The following CC2D1A variants were observed in gnomAD, a reference collection of about 807,000 sequenced individuals.
CC2D1A encodes the protein coiled-coil and C2 domain containing 1A, also known as coiled-coil and C2 domain-containing protein 1A.
Under a neutral mutation model 123.8 loss-of-function variants are expected in CC2D1A, and 68 were observed. The observed-to-expected ratio is 0.55, with a 90% CI of 0.45 to 0.67. The LOEUF is 0.67. Ranked by LOEUF, CC2D1A falls within the 30% of genes least tolerant of loss-of-function variation. The pLI, the probability that CC2D1A is intolerant of heterozygous loss-of-function variation, is 0.00. For missense variants in CC2D1A, 1,185 were observed against 1,290.3 expected (o/e 0.92, Z 1.25); for synonymous variants, 477 against 528.0 (o/e 0.90, Z 1.32).
chr19:13,916,636 A>G (rs958473238), intron 6 of CC2D1A, among the ~76,000 whole-genome samples: 2 of 152,218 alleles, frequency 1.3e-5, no homozygotes, highest in Admixed American at 6.6e-5. Context: ...AATTATAACA[A>G]TAATTCAACC....
In CC2D1A at chr19:13,906,246, G is replaced by A. The variant is rs909970372; in HGVS notation, c.-196G>A. 2.7e-5 allele frequency: 12 copies of A among 450,406 alleles called. No homozygotes were observed. Among genetic ancestry groups the A allele is most frequent in the East Asian group, 3.6e-5 (1 of 27,872 alleles). The allele number at this position is 450,406 out of a possible 1,614,324, so 27.9% of individuals were successfully genotyped here. On this transcript the variant is annotated 5_prime_UTR_variant, in exon 1 of 29. Transcript: ENST00000318003. This position sits in a 1 kb window ranked among gnomAD's most constrained non-coding sequence, Gnocchi z 4.1. ...CCGGCGAGCCCAGTGGCCGCGCTCC[G>A]GTGCGGCGGCGCCCGAGGCCCGAGG...
chr19:13,923,240 A>G lies in CC2D1A; in HGVS notation c.1642-93A>G. 1 of 1,435,496 alleles carries G rather than the reference A, an allele frequency of 7.0e-7. No individual in the cohort carries two copies. Among genetic ancestry groups the G allele is most frequent in the East Asian group, 2.3e-5 (1 of 43,596 alleles). 88.9% of individuals were successfully genotyped at this position (1,435,496 alleles called of 1,614,324 possible). A position where few individuals can be genotyped will look rare whatever the true frequency, so the allele number is the denominator to read the frequency against. On this transcript the variant is annotated intron_variant, in intron 14 of 28. Transcript: ENST00000318003. The surrounding 1 kb of genome is among the most constrained non-coding windows in gnomAD (Gnocchi z 5.3). ...AGGGTGACAGAGCCGTGGTCAGGGA[A>G]TGCCCCTCGTCAAGGAAGAATGACA...
At chr19:13,917,474 C>T (rs1421396192) in intron 6 of CC2D1A, among the ~76,000 whole-genome samples, 2 of 152,104 alleles carry the variant, frequency 1.3e-5, no homozygotes, top group Admixed American at 1.3e-4. Context: ...TGGCCAGGCA[C>T]GGTAACTCAC....
rs375168439 is a variant in CC2D1A, at chr19:13,913,451, C to T, written c.561C>T (p.Asp187=). 8.7e-6 allele frequency: 14 copies of T among 1,614,214 alleles called. No individual in the cohort carries two copies. The highest frequency in any genetic ancestry group is 6.7e-5 in the East Asian group (3 of 44,888). The change falls in exon 6 of 29, where the codon GAC becomes GAT. Residue 187 remains aspartate, a synonymous_variant. Coordinates refer to ENST00000318003, the MANE Select transcript of CC2D1A (RefSeq NM_017721.5). ...LASIRKGNAI[D]EADIPPPVAI... ...CCATCCGTAAGGGCAATGCCATTGA[C>T]GAAGCGGACATCCCGCCGCCAGTGG...
At chr19:13,919,554 G>A (rs535362485) in intron 11 of CC2D1A, 18 of 353,174 alleles carry the variant, frequency 5.1e-5, no homozygotes, top group Non-Finnish European at 7.1e-5. Flanking sequence ...CTTGGGCAAC[G>A]TGGCAAGACC....
chr19:13,928,707 T>C (rs1184117053), intron 24 of CC2D1A, among the ~76,000 whole-genome samples: 1 of 140,660 alleles, frequency 7.1e-6, no homozygotes, highest in African/African-American at 2.7e-5. Flanking sequence ...AGTGTGTCTT[T>C]TTTTTTTTTT....
Position 13,919,130 on chromosome 19 carries a change from C to T in CC2D1A, c.1150C>T (p.Gln384Ter). 1 of 1,612,342 alleles carries T rather than the reference C, an allele frequency of 6.2e-7. No individual in the cohort carries two copies. The highest frequency in any genetic ancestry group is 1.1e-5 in the South Asian group (1 of 91,034). Residue 384 changes from glutamine (Q) to a stop codon, truncating the protein, a stop_gained and splice_region_variant, in exon 11 of 29, where the codon CAA (glutamine) becomes TAA (stop). Coordinates refer to ENST00000318003, the MANE Select transcript of CC2D1A (RefSeq NM_017721.5). LOFTEE classifies it high-confidence loss of function. ...GCCCTAACACCTGTGGCCCTCGCAGCAATACCAAGATGCCATCCGAGCCCA... is the reference window on the plus strand; with the variant it reads ...GCCCTAACACCTGTGGCCCTCGCAGTAATACCAAGATGCCATCCGAGCCCA... ...KARMHERIVK[Q>*]YQDAIRAHKA... is the part of the protein sequence containing the mutation.
At chr19:13,925,918 T>TAAAAA (rs34627490) in intron 17 of CC2D1A, among the ~76,000 whole-genome samples, 10 of 55,270 alleles carry the variant, frequency 1.8e-4, no homozygotes, top group African/African-American at 7.8e-4. Flanking sequence ...AGACTCTGTC[T>TAAAAA]AAAAAAAAAA....
At chr19:13,927,336 C>A in intron 22 of CC2D1A, 71 bp downstream of exon 22, 2 of 1,301,680 alleles carry the variant, frequency 1.5e-6, no homozygotes, top group Non-Finnish European at 2.2e-6. Flanking sequence ...AAAACACTTC[C>A]TGCCTTGAGC....
At chr19:13,913,129 T>A in intron 4 of CC2D1A, 39 bp from the exon 5 acceptor site, 2 of 1,546,714 alleles carry the variant, frequency 1.3e-6, no homozygotes, top group Non-Finnish European at 1.7e-6. Flanking sequence ...GCATCCCAAG[T>A]GGGGTCACCA....
chr19:13,916,637 T>G (rs1971215513), intron 6 of CC2D1A, among the ~76,000 whole-genome samples: 1 of 152,128 alleles, frequency 6.6e-6, no homozygotes, highest in Non-Finnish European at 1.5e-5. Flanking sequence ...ATTATAACAA[T>G]AATTCAACCC....
intron 17 of CC2D1A, among the ~76,000 whole-genome samples, chr19:13,925,084 T>G (rs190525503): frequency 6.6e-6 from 1 of 152,248 alleles, no homozygotes; most frequent in East Asian, 1.9e-4. Context: ...ACCTTCCCTC[T>G]AAGAGGCCCT....
At chr19:13,927,792 A>AG in intron 22 of CC2D1A, 101 bp from the exon 23 acceptor site, 2 of 1,302,142 alleles carry the variant, frequency 1.5e-6, no homozygotes, top group East Asian at 2.3e-5. Flanking sequence ...AGAAAAAAAA[A>AG]AAACCAAAAA....
chr19:13,913,638 G>T lies in CC2D1A; in HGVS notation c.748G>T (p.Gly250Cys). Residue 250 changes from glycine to cysteine, a missense_variant and splice_region_variant, in exon 6 of 29, where the codon GGT (glycine) becomes TGT (cysteine). Transcript: ENST00000318003. ...PGLAKPQMPP[G>C]PCSPGPLAQL... ...CTTGGCTAAGCCCCAGATGCCCCCAGGTAGGTGATGGGCAGGGCCGGGCTG... is the reference window on the plus strand; with the variant it reads ...CTTGGCTAAGCCCCAGATGCCCCCATGTAGGTGATGGGCAGGGCCGGGCTG... The T allele has an allele frequency of 6.3e-7, 1 of 1,599,128 alleles. No individual in the cohort carries two copies.
intron 17 of CC2D1A, among the ~76,000 whole-genome samples, chr19:13,924,620 C>T (rs1971528880): frequency 6.6e-6 from 1 of 152,144 alleles, no homozygotes; most frequent in Non-Finnish European, 1.5e-5. Context: ...CAGGTGCCCA[C>T]CACCATGCCC....
intron 1 of CC2D1A, among the ~76,000 whole-genome samples, chr19:13,909,400 T>C (rs1312812203): frequency 7.7e-5 from 11 of 142,790 alleles, no homozygotes; most frequent in Non-Finnish European, 1.4e-4. Context: ...AACAAAAAAC[T>C]TTTTTTTTTT....
Position 13,929,285 on chromosome 19 carries a change from G to A in CC2D1A, c.2520-94G>A, listed in dbSNP as rs113117756. On this transcript the variant is annotated intron_variant, in intron 24 of 28. Transcript: ENST00000318003. ...CTCCCAAAGTGCAGGGATTACAGGC[G>A]TGAGCCACTGTGCCCAGCCCAGTGT... The A allele has an allele frequency of 4.3e-5, 57 of 1,322,944 alleles. No homozygotes were observed. The African/African-American group carries it at 5.2e-4, about 12-fold the overall frequency. The allele number at this position is 1,322,944 out of a possible 1,614,324, so 82.0% of individuals were successfully genotyped here. A position where few individuals can be genotyped will look rare whatever the true frequency, so the allele number is the denominator to read the frequency against.
In CC2D1A at chr19:13,912,654, G is replaced by A. The variant is rs142563006; in HGVS notation, c.378+61G>A. ...ACCCAACGGACAGCCCGGGGTTCAA[G>A]ACCTAGCCTTTTTTATGAGATGGAG... is the stretch of plus-strand genomic sequence containing the variant. On this transcript the variant is annotated intron_variant, in intron 4 of 28. Coordinates refer to ENST00000318003, the MANE Select transcript of CC2D1A (RefSeq NM_017721.5). 5.7e-4 allele frequency: 884 copies of A among 1,553,566 alleles called. 1 individual carries two copies. The highest frequency in any genetic ancestry group is 3.4e-3 in the Middle Eastern group (20 of 5,934).
chr19:13,923,395 G>A lies in CC2D1A; in HGVS notation c.1704G>A (p.Leu568=). 3 of 1,613,162 alleles carry A rather than the reference G, an allele frequency of 1.9e-6. No individual in the cohort carries two copies. The highest frequency in any genetic ancestry group is 1.3e-5 in the African/African-American group (1 of 75,030). ...FALVQRPGPG[L]SQEAARRYGE... is the part of the protein sequence containing the mutation. The stretch of plus-strand genomic sequence containing the variant: ...TGGTCCAGCGGCCTGGCCCGGGTCT[G>A]TCTCAGGAGGCCGCCCGGCGCTATG... Residue 568 remains leucine (L), a synonymous_variant, in exon 15 of 29, where the codon CTG becomes CTA. Coordinates refer to ENST00000318003, the MANE Select transcript of CC2D1A (RefSeq NM_017721.5). The surrounding 1 kb of genome is among the most constrained non-coding windows in gnomAD (Gnocchi z 5.3).
Sources: allele counts gnomAD v4.1 joint callset (sites outside exome capture counted in the v4.1 genomes callset), GRCh38; gene constraint gnomAD v4.1.1; non-coding constraint Gnocchi (gnomAD v3.1); transcripts MANE v1.5; gene names NCBI Gene and HGNC (gene_info 2026-07-23, HGNC 2026-07-21).